DRC3: variants seen among roughly 807,000 people sequenced by gnomAD.
The protein encoded by DRC3 is dynein regulatory complex subunit 3, also known as leucine rich repeat containing 48.
Under a neutral mutation model 57.6 loss-of-function variants are expected in DRC3, and 45 were observed. The ratio of observed to expected loss-of-function variants is 0.78; its 90% CI spans 0.62 to 1.00. The LOEUF (loss-of-function observed/expected upper bound fraction) is 1.00, where lower values mean the gene tolerates loss of function less well. DRC3 is among the 50% of genes least tolerant of loss of function. The pLI, the probability that DRC3 is intolerant of heterozygous loss-of-function variation, is 0.00. For synonymous variants in DRC3, 257 were observed against 272.3 expected (o/e 0.94, Z 0.55); for missense variants, 655 against 675.2 (o/e 0.97, Z 0.33).
chr17:18,007,999 C>A, intron 12 of DRC3: 1 of 246,560 alleles, frequency 4.1e-6, no homozygotes, highest in Non-Finnish European at 6.5e-6. Flanking sequence ...TTTTACACAA[C>A]ACCTTCTAGT....
At chr17:17,992,951 G>A (rs1435707002) in intron 6 of DRC3, 40 bp downstream of exon 6, 1 of 1,609,630 alleles carries the variant, frequency 6.2e-7, no homozygotes, top group South Asian at 1.1e-5. Flanking sequence ...CTGTGAGACA[G>A]ATTCCTCAAG....
rs1338063197 is a variant in DRC3, at chr17:17,994,284, C to G, written c.592-15C>G. The G allele has an allele frequency of 6.4e-7, 1 of 1,551,028 alleles. No homozygotes were observed. Among genetic ancestry groups the G allele is most frequent in the Non-Finnish European group, 8.7e-7 (1 of 1,146,784 alleles). On this transcript the variant is annotated splice_polypyrimidine_tract_variant and intron_variant, in intron 6 of 13. Coordinates refer to ENST00000399187, the MANE Select transcript of DRC3 (RefSeq NM_031294.4). The stretch of plus-strand genomic sequence containing the variant: ...GGAACCTCTGGTAACAATGCCACTC[C>G]CGTTCCCTGGTCAGAAAAAGCTTGC...
At chr17:17,994,913 C>G (rs1046701394) in intron 7 of DRC3, 86 bp from the exon 8 acceptor site, 28 of 863,410 alleles carry the variant, frequency 3.2e-5, no homozygotes, top group South Asian at 1.4e-5. Context: ...CATGCTCCCT[C>G]CTGACCTGCC....
chr17:17,986,989 T>C (rs1316045478), intron 4 of DRC3, among the ~76,000 whole-genome samples: 1 of 151,822 alleles, frequency 6.6e-6, no homozygotes, highest in African/African-American at 2.4e-5. Flanking sequence ...GGTGGGAGGA[T>C]CACTTGAGCC....
In DRC3 at chr17:18,007,157, G is replaced by GCGGGGC; in HGVS notation, c.1326+14_1326+15insGCCGGG. 1.1e-6 allele frequency: 1 copy of GCGGGGC among 879,090 alleles called. No homozygotes were observed. The highest frequency in any genetic ancestry group is 1.6e-6 in the Non-Finnish European group (1 of 619,928). The allele number at this position is 879,090 out of a possible 1,614,324, so 54.5% of individuals were successfully genotyped here. On this transcript the variant is annotated intron_variant, in intron 12 of 13. Coordinates refer to ENST00000399187, the MANE Select transcript of DRC3 (RefSeq NM_031294.4). ...TAACGACCTGCGCGCGGTAGGCGGGGCGGGCTGCTCGGAGCCTGACAGATG... is the reference window on the plus strand; with the variant it reads ...TAACGACCTGCGCGCGGTAGGCGGGGCGGGGCCGGGCTGCTCGGAGCCTGACAGATG...
chr17:17,978,013 C>T (rs780526810), intron 3 of DRC3: 10 of 368,250 alleles, frequency 2.7e-5, no homozygotes, highest in Middle Eastern at 7.3e-4. Flanking sequence ...AATTGTCCCA[C>T]GCCAAATCTA....
At chr17:17,988,978 C>T (rs1017423872) in intron 5 of DRC3, among the ~76,000 whole-genome samples, 1 of 152,168 alleles carries the variant, frequency 6.6e-6, no homozygotes, top group Non-Finnish European at 1.5e-5. Context: ...ATGGCCATGA[C>T]CCTGCTGCCC....
At chr17:18,012,651 C>T (rs1376563288) in intron 12 of DRC3, among the ~76,000 whole-genome samples, 1 of 151,666 alleles carries the variant, frequency 6.6e-6, no homozygotes, top group Non-Finnish European at 1.5e-5. Context: ...CACTGCACTC[C>T]AGCCTGAGCA....
At chr17:17,982,579 TC>T in intron 3 of DRC3, among the ~76,000 whole-genome samples, 1 of 148,150 alleles carries the variant, frequency 6.7e-6, no homozygotes, top group African/African-American at 2.5e-5. Context: ...ATGAGCATAT[TC>T]TTTTTTTTTT....
chr17:17,983,341 A>C (rs2042801871), intron 3 of DRC3, among the ~76,000 whole-genome samples: 1 of 152,218 alleles, frequency 6.6e-6, no homozygotes. Context: ...ACTGACTTTA[A>C]ATATTTCAAA....
At chr17:17,997,752 A>G (rs534894052) in intron 9 of DRC3, 118 bp downstream of exon 9, 46 of 958,868 alleles carry the variant, frequency 4.8e-5, no homozygotes, top group Admixed American at 6.8e-5. Flanking sequence ...CCTGAGGCCA[A>G]TGGTTATTGT....
chr17:17,996,455 T>G (rs532016067), intron 8 of DRC3, among the ~76,000 whole-genome samples: 2 of 152,210 alleles, frequency 1.3e-5, no homozygotes, highest in Non-Finnish European at 2.9e-5. Flanking sequence ...ACTCCCATAT[T>G]TAAAACCATC....
chr17:17,983,697 G>T (rs1350743653), intron 3 of DRC3, 131 bp from the exon 4 acceptor site: 2 of 619,466 alleles, frequency 3.2e-6, no homozygotes, highest in African/African-American at 3.7e-5. Flanking sequence ...CATCTCCAGG[G>T]TGCCTGCGTA....
intron 11 of DRC3, 66 bp from the exon 12 acceptor site, chr17:18,006,958 G>A (rs1193730844): frequency 1.4e-5 from 22 of 1,601,128 alleles, no homozygotes; most frequent in South Asian, 3.3e-5. Context: ...GTCTCCCGCC[G>A]TCTGAGAGCA....
intron 9 of DRC3, among the ~76,000 whole-genome samples, chr17:17,997,968 A>G (rs572450510): frequency 6.6e-6 from 1 of 152,202 alleles, no homozygotes; most frequent in Non-Finnish European, 1.5e-5. Flanking sequence ...GACCATTACT[A>G]TTTTGACAGT....
At position 17,995,206 on chromosome 17, in the gene DRC3, C is replaced by G; in HGVS notation, c.824+95C>G. ...TCTAGGCCTCAGTTTCTTCATCTCTCTTGTAAGACCTTGGGAGGTAAAATC... is the reference window on the plus strand; with the variant it reads ...TCTAGGCCTCAGTTTCTTCATCTCTGTTGTAAGACCTTGGGAGGTAAAATC... On this transcript the variant is annotated intron_variant, in intron 8 of 13. Transcript: ENST00000399187. 6 of 816,356 alleles carry G rather than the reference C, an allele frequency of 7.3e-6. No homozygotes were observed. The South Asian group carries it at 9.3e-5, about 13-fold the overall frequency. 50.6% of individuals were successfully genotyped at this position (816,356 alleles called of 1,614,324 possible).
intron 4 of DRC3, among the ~76,000 whole-genome samples, chr17:17,985,467 C>T (rs1433225446): frequency 6.6e-6 from 1 of 152,196 alleles, no homozygotes; most frequent in Non-Finnish European, 1.5e-5. Flanking sequence ...AGGGACCCAA[C>T]CACAGCCAGA....
At position 18,002,030 on chromosome 17, in the gene DRC3, T is replaced by C. The variant is rs117458546; in HGVS notation, c.1000-2333T>C. On this transcript the variant is annotated intron_variant, in intron 9 of 13. Transcript: ENST00000399187. ...TAAAAATGCAAAAATTCACTGGGCA[T>C]GGTGGCAGGCACCTATAATCCCAGC... Among the ~76,000 whole-genome samples the C allele has an allele frequency of 5.3e-3, 806 of 152,234 alleles. 5 individuals are homozygous for C. The highest frequency in any genetic ancestry group is 0.031 in the East Asian group (160 of 5,180).
Position 17,977,767 on chromosome 17 carries a change from C to G in DRC3, c.160+9C>G, listed in dbSNP as rs755094470. 1.9e-6 allele frequency: 3 copies of G among 1,589,560 alleles called. No individual in the cohort carries two copies. The highest frequency in any genetic ancestry group is 2.6e-6 in the Non-Finnish European group (3 of 1,166,552). On this transcript the variant is annotated intron_variant, in intron 3 of 13. Coordinates refer to ENST00000399187, the MANE Select transcript of DRC3 (RefSeq NM_031294.4). ...GCAGCTGGACTTTCGGAGTATGTAT[C>G]CAAGGTTCAGGGGTGGTGGCCAGGG...
Sources: allele counts gnomAD v4.1 joint callset (sites outside exome capture counted in the v4.1 genomes callset), GRCh38; gene constraint gnomAD v4.1.1; transcripts MANE v1.5; gene names NCBI Gene and HGNC (gene_info 2026-07-23, HGNC 2026-07-21).